MAMDC2: variants seen among roughly 807,000 people sequenced by gnomAD.
MAMDC2 encodes the protein MAM domain containing 2, also known as MAM domain-containing protein 2.
In MAMDC2, 57 loss-of-function variants were observed where a neutral mutation model predicts 89.8. The observed-to-expected ratio is 0.63, with a 90% CI of 0.51 to 0.79. The LOEUF (loss-of-function observed/expected upper bound fraction) is 0.79, where lower values mean the gene tolerates loss of function less well. Among genes scored for constraint, MAMDC2 ranks in the 30% least tolerant of loss-of-function variants. MAMDC2 has a pLI of 0.00. For missense variants in MAMDC2, 800 were observed against 820.6 expected, an observed-to-expected ratio of 0.97 and a Z score of 0.31; for synonymous variants, 313 against 293.4, an observed-to-expected ratio of 1.07 and a Z score of -0.68.
At chr9:70,224,783 C>A (rs1166444009) in intron 12 of MAMDC2, among the ~76,000 whole-genome samples, 1 of 152,176 alleles carries the variant, frequency 6.6e-6, no homozygotes, top group Non-Finnish European at 1.5e-5. Flanking sequence ...GTCAAGTTGA[C>A]ACCTGAAATC....
intron 7 of MAMDC2, among the ~76,000 whole-genome samples, chr9:70,135,416 AGGGTAGAAG>A (rs2030965906): frequency 2.6e-5 from 4 of 152,292 alleles, no homozygotes; most frequent in African/African-American, 9.6e-5. Flanking sequence ...ACACTGTCTC[AGGGTAGAAG>A]CAGCACTCTA....
intron 2 of MAMDC2, among the ~76,000 whole-genome samples, chr9:70,062,060 G>A (rs1827161125): frequency 6.6e-6 from 1 of 152,304 alleles, no homozygotes; most frequent in African/African-American, 2.4e-5. Flanking sequence ...CTGAGCAGCA[G>A]TCTACCCAAT....
At chr9:70,225,089 T>A (rs2033622387) in intron 12 of MAMDC2, among the ~76,000 whole-genome samples, 1 of 152,176 alleles carries the variant, frequency 6.6e-6, no homozygotes, top group Non-Finnish European at 1.5e-5. Context: ...TTGTTAACCA[T>A]TGTTGGGACA....
chr9:70,064,607 A>C (rs1315471164), intron 2 of MAMDC2, among the ~76,000 whole-genome samples: 1 of 152,136 alleles, frequency 6.6e-6, no homozygotes, highest in East Asian at 1.9e-4. Flanking sequence ...GAGTGTTTGT[A>C]ATCCATCTTT....
At chr9:70,067,235 A>G (rs1431641174) in intron 2 of MAMDC2, among the ~76,000 whole-genome samples, 1 of 152,166 alleles carries the variant, frequency 6.6e-6, no homozygotes, top group African/African-American at 2.4e-5. Context: ...ATTTTCACTG[A>G]AGGCATTCCC....
intron 2 of MAMDC2, among the ~76,000 whole-genome samples, chr9:70,065,060 C>G (rs915218683): frequency 6.6e-6 from 1 of 152,118 alleles, no homozygotes; most frequent in Non-Finnish European, 1.5e-5. Flanking sequence ...ATGAAAGAAT[C>G]AATCAGTAAA....
In MAMDC2 at chr9:70,044,190, A is replaced by G. The variant is rs1374996653; in HGVS notation, c.-8A>G. The G allele has an allele frequency of 1.2e-6, 2 of 1,613,512 alleles. No homozygotes were observed. The highest frequency in any genetic ancestry group is 2.7e-5 in the African/African-American group (2 of 74,976). On this transcript the variant is annotated 5_prime_UTR_variant, in exon 1 of 14. Transcript: ENST00000377182. ...CCCCTTCCTAGTCATCCTCCCTGAAACGCGACCATGCTGTTAAGGGGCGTC... is the reference window on the plus strand; with the variant it reads ...CCCCTTCCTAGTCATCCTCCCTGAAGCGCGACCATGCTGTTAAGGGGCGTC...
At chr9:70,205,435 G>C (rs529627073) in intron 11 of MAMDC2, among the ~76,000 whole-genome samples, 14 of 152,130 alleles carry the variant, frequency 9.2e-5, no homozygotes, top group Non-Finnish European at 1.8e-4. Flanking sequence ...TTTTTCCCCT[G>C]ATTTTTAAGA....
Position 70,043,866 on chromosome 9 carries a change from C to A in MAMDC2, c.-332C>A, listed in dbSNP as rs1826664230. The A allele has an allele frequency of 4.9e-6, 2 of 406,074 alleles. No homozygotes were observed. The highest frequency in any genetic ancestry group is 8.9e-6 in the Non-Finnish European group (2 of 224,996). The allele number at this position is 406,074 out of a possible 1,614,324, so 25.2% of individuals were successfully genotyped here. ...GCGGGCCGACCTCTCCTCTCCCAGC[C>A]AGTCGTGGCTGGCCTTTCAAAGTGT... On this transcript the variant is annotated 5_prime_UTR_variant, in exon 1 of 14. Transcript: ENST00000377182.
chr9:70,120,013 A>G (rs2030212823), intron 5 of MAMDC2, among the ~76,000 whole-genome samples: 1 of 152,180 alleles, frequency 6.6e-6, no homozygotes, highest in African/African-American at 2.4e-5. Flanking sequence ...CTTAGCTCAT[A>G]TAAGTCACGG....
intron 2 of MAMDC2, chr9:70,087,573 C>T (rs1248800009): frequency 6.6e-6 from 1 of 152,120 alleles, no homozygotes; most frequent in Non-Finnish European, 1.5e-5. Flanking sequence ...CTGGACCAAT[C>T]ACTGTGGCAA....
rs750280807 is a variant in MAMDC2, at chr9:70,044,540, G to T, written c.35-44G>T. On this transcript the variant is annotated intron_variant, in intron 1 of 13. Coordinates refer to ENST00000377182, the MANE Select transcript of MAMDC2 (RefSeq NM_153267.5). ...TGGGGCTCCCCGAGTTGGTGCAAAG[G>T]CTCCTGGGTGGAGCTCGAACTGAAA... The T allele has an allele frequency of 4.4e-5, 65 of 1,483,542 alleles. No individual in the cohort carries two copies. In the Middle Eastern group the frequency reaches 2.8e-3, roughly 63 times the overall value. The allele number at this position is 1,483,542 out of a possible 1,614,324, so 91.9% of individuals were successfully genotyped here. A position where few individuals can be genotyped will look rare whatever the true frequency, so the allele number is the denominator to read the frequency against.
At chr9:70,154,527 A>ATT (rs10710715) in intron 9 of MAMDC2, among the ~76,000 whole-genome samples, 78,456 of 135,848 alleles carry the variant, frequency 0.58, 25,612 homozygotes, top group Non-Finnish European at 0.72. Context: ...ATTTGGAACA[A>ATT]TTTTTTTTTT....
chr9:70,105,485 A>G (rs1002780127), intron 2 of MAMDC2, among the ~76,000 whole-genome samples: 1 of 152,190 alleles, frequency 6.6e-6, no homozygotes, highest in Admixed American at 6.5e-5. Context: ...ATTGCATCCA[A>G]TCAGCTGGGT....
chr9:70,106,583 G>C (rs1452846601), intron 2 of MAMDC2, among the ~76,000 whole-genome samples: 1 of 152,180 alleles, frequency 6.6e-6, no homozygotes, highest in Non-Finnish European at 1.5e-5. Flanking sequence ...CCTTCACCTT[G>C]GAAATGCACG....
At chr9:70,128,510 A>G (rs1420309380) in intron 6 of MAMDC2, among the ~76,000 whole-genome samples, 4 of 152,196 alleles carry the variant, frequency 2.6e-5, no homozygotes, top group African/African-American at 9.7e-5. Context: ...GGTGAAAGGT[A>G]CTTTAAGAAC....
chr9:70,211,841 C>G (rs777329581), intron 11 of MAMDC2, among the ~76,000 whole-genome samples: 1 of 152,184 alleles, frequency 6.6e-6, no homozygotes, highest in Non-Finnish European at 1.5e-5. Context: ...AGTTTTCTTT[C>G]TAACAGTCAG....
chr9:70,097,625 G>A (rs778950956), intron 2 of MAMDC2, among the ~76,000 whole-genome samples: 2 of 152,128 alleles, frequency 1.3e-5, no homozygotes, highest in Admixed American at 6.5e-5. Context: ...GTTTCTTACC[G>A]CTTGGGACCA....
rs576165882 is a variant in MAMDC2, at chr9:70,066,510, G to A, written c.148+21813G>A. On this transcript the variant is annotated intron_variant, in intron 2 of 13. Coordinates refer to ENST00000377182, the MANE Select transcript of MAMDC2 (RefSeq NM_153267.5). ...TGTAGGTAGTATACTGTGCAAGGGC[G>A]AAGGGGAGGTAGGGGGGCAGCTAGA... 2.0e-5 allele frequency among the ~76,000 whole-genome samples: 3 copies of A among 152,210 alleles called. No individual in the cohort carries two copies. In the South Asian group the frequency reaches 6.2e-4, roughly 32 times the overall value.
Sources: allele counts gnomAD v4.1 joint callset (sites outside exome capture counted in the v4.1 genomes callset), GRCh38; gene constraint gnomAD v4.1.1; transcripts MANE v1.5; gene names NCBI Gene and HGNC (gene_info 2026-07-23, HGNC 2026-07-21).